Variants in SHISA9 observed in about 807,000 individuals in gnomAD.
SHISA9 encodes shisa family member 9.
A neutral mutation model predicts 38.0 loss-of-function variants in SHISA9; 13 were observed. The ratio of observed to expected loss-of-function variants is 0.34; its 90% confidence interval spans 0.22 to 0.54. The LOEUF (loss-of-function observed/expected upper bound fraction) is 0.54, where lower values mean the gene tolerates loss of function less well. Ranked by LOEUF, SHISA9 falls within the 20% of genes least tolerant of loss-of-function variation. The pLI, the probability that SHISA9 is intolerant of heterozygous loss-of-function variation, is 0.91. For synonymous variants in SHISA9, 275 were observed against 242.0 expected (o/e 1.14, Z -1.27); for missense variants, 538 against 575.8 (o/e 0.93, Z 0.67).
chr16:13,436,627 G>C, the SHISA9 span, among the ~76,000 whole-genome samples: 6 of 151,984 alleles, frequency 3.9e-5, no homozygotes, highest in African/African-American at 1.5e-4. Flanking sequence ...ACTTTACTCT[G>C]TGGACTCACC....
At chr16:12,974,952 G>A (rs1007843887) in intron 2 of SHISA9, among the ~76,000 whole-genome samples, 3 of 151,662 alleles carry the variant, frequency 2.0e-5, no homozygotes, top group South Asian at 2.1e-4. Context: ...AAACTTTCAG[G>A]GTTGCTATGG....
chr16:13,052,485 T>C (rs1293074767), intron 2 of SHISA9, among the ~76,000 whole-genome samples: 2 of 152,210 alleles, frequency 1.3e-5, no homozygotes, highest in Non-Finnish European at 2.9e-5. Flanking sequence ...CCCACTCTGA[T>C]TGATGAGTCA....
chr16:12,929,791 TA>T (rs1194659789), intron 2 of SHISA9, among the ~76,000 whole-genome samples: 1 of 151,954 alleles, frequency 6.6e-6, no homozygotes, highest in Admixed American at 6.6e-5. Flanking sequence ...GCCCTGCACT[TA>T]AAATAAAAGT....
intron 2 of SHISA9, among the ~76,000 whole-genome samples, chr16:12,996,773 A>G (rs1164003567): frequency 2.0e-5 from 3 of 152,208 alleles, no homozygotes; most frequent in Non-Finnish European, 2.9e-5. Flanking sequence ...TTCAAACAGA[A>G]CAGCTTCCTC....
intron 2 of SHISA9, among the ~76,000 whole-genome samples, chr16:12,979,765 TTCTG>T (rs2072216189): frequency 6.6e-6 from 1 of 152,210 alleles, no homozygotes; most frequent in African/African-American, 2.4e-5. Flanking sequence ...TTAAGTTTCT[TTCTG>T]TCTGTTTCAC....
chr16:13,311,012 A>G, the SHISA9 span, among the ~76,000 whole-genome samples: 2 of 152,004 alleles, frequency 1.3e-5, no homozygotes, highest in Non-Finnish European at 2.9e-5. Flanking sequence ...CACATCTTCT[A>G]CTGAAGGACT....
intron 2 of SHISA9, among the ~76,000 whole-genome samples, chr16:12,949,757 T>C (rs2071731421): frequency 6.6e-6 from 1 of 152,202 alleles, no homozygotes; most frequent in Non-Finnish European, 1.5e-5. Context: ...TAATTGTACA[T>C]ATTTGTGGGG....
chr16:13,293,173 A>T, the SHISA9 span, among the ~76,000 whole-genome samples: 4 of 152,180 alleles, frequency 2.6e-5, no homozygotes, highest in African/African-American at 4.8e-5. Flanking sequence ...AGAACAAGTT[A>T]TTTCAGATAA....
At chr16:13,255,023 C>T in the SHISA9 span, among the ~76,000 whole-genome samples, 1 of 152,158 alleles carries the variant, frequency 6.6e-6, no homozygotes, top group African/African-American at 2.4e-5. Flanking sequence ...ATATCATCCT[C>T]TTTTTCTTCT....
chr16:13,495,483 C>T, the SHISA9 span, among the ~76,000 whole-genome samples: 1 of 152,158 alleles, frequency 6.6e-6, no homozygotes, highest in African/African-American at 2.4e-5. Flanking sequence ...CAAATTTTGA[C>T]TAGAAGAAAA....
At chr16:13,153,970 G>C (rs1398848931) in intron 2 of SHISA9, among the ~76,000 whole-genome samples, 1 of 151,658 alleles carries the variant, frequency 6.6e-6, no homozygotes, top group Non-Finnish European at 1.5e-5. Flanking sequence ...AGTGGGGGTG[G>C]GGGTGGGTTG....
intron 2 of SHISA9, among the ~76,000 whole-genome samples, chr16:13,193,681 G>C (rs1596719068): frequency 1.3e-5 from 2 of 152,152 alleles, no homozygotes; most frequent in East Asian, 3.9e-4. Context: ...TTTTGTCTGA[G>C]TTAGCCTGTG....
At chr16:13,202,780 T>C (rs1435360421) in intron 2 of SHISA9, among the ~76,000 whole-genome samples, 2 of 152,226 alleles carry the variant, frequency 1.3e-5, no homozygotes, top group Non-Finnish European at 2.9e-5. Flanking sequence ...TGCAAAAACA[T>C]CTCTGAACAA....
chr16:13,478,792 C>G, the SHISA9 span, among the ~76,000 whole-genome samples: 1 of 152,156 alleles, frequency 6.6e-6, no homozygotes, highest in Non-Finnish European at 1.5e-5. Context: ...AATGCGGGCT[C>G]GAAGGCTGGA....
At chr16:13,218,858 TCCTATAGA>T (rs2051195962) in intron 4 of SHISA9, among the ~76,000 whole-genome samples, 2 of 152,100 alleles carry the variant, frequency 1.3e-5, no homozygotes, top group Non-Finnish European at 2.9e-5. Context: ...AGTGCATGCA[TCCTATAGA>T]CCATCCCAGG....
intron 2 of SHISA9, among the ~76,000 whole-genome samples, chr16:13,023,329 T>A (rs979936670): frequency 3.9e-5 from 6 of 152,214 alleles, no homozygotes; most frequent in Admixed American, 2.0e-4. Flanking sequence ...TTCATCCATG[T>A]CCCTGCAAAG....
the SHISA9 span, among the ~76,000 whole-genome samples, chr16:13,370,234 C>A: frequency 6.6e-6 from 1 of 152,132 alleles, no homozygotes; most frequent in African/African-American, 2.4e-5. Context: ...TTTGCAAACA[C>A]AGGTTGCCTT....
chr16:13,374,124 G>A, the SHISA9 span, among the ~76,000 whole-genome samples: 1 of 151,726 alleles, frequency 6.6e-6, no homozygotes, highest in Non-Finnish European at 1.5e-5. Context: ...AGGCCAAAAT[G>A]TCCTGGCTTA....
the SHISA9 span, among the ~76,000 whole-genome samples, chr16:13,512,740 CAAAA>C: frequency 6.6e-6 from 1 of 151,818 alleles, no homozygotes; most frequent in Non-Finnish European, 1.5e-5. Flanking sequence ...ACAAACCTGA[CAAAA>C]ACAAGCAATG....
Sources: allele counts gnomAD v4.1 joint callset (sites outside exome capture counted in the v4.1 genomes callset), GRCh38; gene constraint gnomAD v4.1.1; transcripts MANE v1.5; gene names NCBI Gene and HGNC (gene_info 2026-07-23, HGNC 2026-07-21).